The following LYN variants were observed in gnomAD, a reference collection of about 807,000 sequenced individuals.
LYN encodes tyrosine-protein kinase Lyn.
In LYN, 12 loss-of-function variants were observed where a neutral mutation model predicts 65.0. The ratio of observed to expected loss-of-function variants is 0.18; its 90% CI spans 0.12 to 0.30. The LOEUF (loss-of-function observed/expected upper bound fraction) is 0.30. Among genes scored for constraint, LYN ranks in the 10% least tolerant of loss-of-function variants. LYN has a pLI of 1.00. For synonymous variants in LYN, 222 were observed against 221.2 expected, an observed-to-expected ratio of 1.00 and a Z score of -0.03; for missense variants, 380 against 623.2, an observed-to-expected ratio of 0.61 and a Z score of 4.16.
At chr8:55,897,623 C>T (rs1777172251) in intron 1 of LYN, among the ~76,000 whole-genome samples, 1 of 152,032 alleles carries the variant, frequency 6.6e-6, no homozygotes, top group Admixed American at 6.6e-5. Context: ...ATCAGAATAA[C>T]TTTTAAGGTC....
At chr8:55,903,537 C>G (rs1805338067) in intron 1 of LYN, among the ~76,000 whole-genome samples, 1 of 152,194 alleles carries the variant, frequency 6.6e-6, no homozygotes, top group Admixed American at 6.5e-5. Flanking sequence ...AAATTTGCTG[C>G]TTTTCTAAGT....
chr8:55,899,919 G>T (rs1805213109), intron 1 of LYN, among the ~76,000 whole-genome samples: 3 of 152,198 alleles, frequency 2.0e-5, no homozygotes, highest in African/African-American at 7.2e-5. Flanking sequence ...AGGATTACAG[G>T]CATGAGCCAC....
intron 1 of LYN, among the ~76,000 whole-genome samples, chr8:55,911,182 T>TGTAC (rs1554576214): frequency 0.052 from 1,248 of 23,864 alleles, 392 homozygotes; most frequent in Non-Finnish European, 0.085. Flanking sequence ...CGTATATATA[T>TGTAC]ATATATACAC....
chr8:55,933,233 G>A (rs776701250), intron 1 of LYN, among the ~76,000 whole-genome samples: 2 of 152,104 alleles, frequency 1.3e-5, no homozygotes, highest in Non-Finnish European at 1.5e-5. Flanking sequence ...ATGACATTAC[G>A]TAAATCTGAA....
chr8:55,939,745 G>C (rs900111230), intron 1 of LYN, among the ~76,000 whole-genome samples: 1 of 152,206 alleles, frequency 6.6e-6, no homozygotes, highest in African/African-American at 2.4e-5. Context: ...TTTAAGGGAT[G>C]GTGAGTTAAA....
intron 2 of LYN, among the ~76,000 whole-genome samples, chr8:55,943,600 T>C (rs1806691707): frequency 6.6e-6 from 1 of 150,710 alleles, no homozygotes; most frequent in African/African-American, 2.4e-5. Flanking sequence ...AAAAAGGCAT[T>C]TTTATAGTTT....
intron 10 of LYN, among the ~76,000 whole-genome samples, chr8:55,986,219 A>G (rs1044536648): frequency 2.7e-5 from 4 of 149,574 alleles, no homozygotes; most frequent in African/African-American, 9.9e-5. Flanking sequence ...CCTTATGTAT[A>G]TGCTAAGGGA....
intron 10 of LYN, among the ~76,000 whole-genome samples, chr8:55,997,833 C>T (rs1473987179): frequency 1.3e-5 from 2 of 152,142 alleles, no homozygotes; most frequent in Non-Finnish European, 2.9e-5. Context: ...GCCTGTAATC[C>T]CAGCACTTTG....
chr8:55,957,189 C>A (rs368220696), intron 8 of LYN, among the ~76,000 whole-genome samples: 4 of 132,594 alleles, frequency 3.0e-5, no homozygotes, highest in African/African-American at 1.2e-4. Context: ...AAACTCCAAT[C>A]TTCAGTTGTT....
At chr8:55,969,558 T>G (rs1807550900) in intron 9 of LYN, among the ~76,000 whole-genome samples, 159 bp from the exon 10 acceptor site, 1 of 152,226 alleles carries the variant, frequency 6.6e-6, no homozygotes, top group Admixed American at 6.5e-5. Context: ...GGGACTGCGT[T>G]TGACCAATGC....
chr8:55,936,862 C>T (rs1031086576), intron 1 of LYN, among the ~76,000 whole-genome samples: 1 of 152,118 alleles, frequency 6.6e-6, no homozygotes, highest in African/African-American at 2.4e-5. Flanking sequence ...GACCAAGTTC[C>T]GGTTGTACCT....
intron 1 of LYN, chr8:55,902,606 A>T: frequency 3.0e-6 from 1 of 330,398 alleles, no homozygotes; most frequent in Non-Finnish European, 5.9e-6. Context: ...TAGCATACAA[A>T]AAAAAAACAA....
chr8:55,910,496 A>G (rs1805568627), intron 1 of LYN, among the ~76,000 whole-genome samples: 1 of 152,134 alleles, frequency 6.6e-6, no homozygotes, highest in Non-Finnish European at 1.5e-5. Context: ...ATTCTGTCCC[A>G]TTGATCTGTG....
chr8:55,982,876 C>G (rs536036621), intron 10 of LYN, among the ~76,000 whole-genome samples: 1 of 152,108 alleles, frequency 6.6e-6, no homozygotes, highest in Non-Finnish European at 1.5e-5. Flanking sequence ...GCAGCCGCTC[C>G]AGCCCCTACA....
At chr8:55,905,147 G>A (rs988325416) in intron 1 of LYN, among the ~76,000 whole-genome samples, 2 of 152,082 alleles carry the variant, frequency 1.3e-5, no homozygotes, top group Admixed American at 6.6e-5. Flanking sequence ...GTGGTGGCTC[G>A]TGCCTGTCAT....
Position 55,946,444 on chromosome 8 carries a change from G to C in LYN, c.133-4G>C. The C allele has an allele frequency of 6.2e-7, 1 of 1,600,220 alleles. No homozygotes were observed. The highest frequency in any genetic ancestry group is 8.6e-7 in the Non-Finnish European group (1 of 1,168,100). On this transcript the variant is annotated splice_polypyrimidine_tract_variant and splice_region_variant and intron_variant, in intron 2 of 12. Coordinates refer to ENST00000519728, the MANE Select transcript of LYN (RefSeq NM_002350.4). ...TTTTTTTTCTAACAAATATTCTCTC[G>C]TAGGTTCCAGAATCTCAGCTTTTAC...
chr8:55,914,296 G>A (rs1052491446), intron 1 of LYN, among the ~76,000 whole-genome samples: 2 of 152,126 alleles, frequency 1.3e-5, no homozygotes, highest in African/African-American at 4.8e-5. Flanking sequence ...GGGGGACACT[G>A]TATTCTAAGG....
chr8:55,971,761 T>C (rs1807614829), intron 10 of LYN, among the ~76,000 whole-genome samples: 1 of 152,262 alleles, frequency 6.6e-6, no homozygotes, highest in African/African-American at 2.4e-5. Context: ...AAAGCCTCTA[T>C]GCTGAGTCTT....
At chr8:55,975,958 CTT>C (rs1807739726) in intron 10 of LYN, among the ~76,000 whole-genome samples, 1 of 151,958 alleles carries the variant, frequency 6.6e-6, no homozygotes, top group Non-Finnish European at 1.5e-5. Context: ...GGTGGTGGTG[CTT>C]TTGGCCTGCA....
Sources: gnomAD v4.1 joint callset for allele counts (sites outside exome capture counted in the v4.1 genomes callset) on GRCh38, gnomAD v4.1.1 for gene constraint, MANE v1.5 for transcripts, NCBI Gene and HGNC (gene_info 2026-07-23, HGNC 2026-07-21) for gene names.